The following PCBD2 variants were observed in gnomAD, a reference collection of about 807,000 sequenced individuals.
PCBD2 encodes pterin-4 alpha-carbinolamine dehydratase 2, also known as pterin-4-alpha-carbinolamine dehydratase 2.
PCBD2 carries 12 observed loss-of-function variants against 16.4 expected under a neutral mutation model. The ratio of observed to expected loss-of-function variants is 0.73; its 90% confidence interval spans 0.47 to 1.19. The LOEUF (loss-of-function observed/expected upper bound fraction) is 1.19. PCBD2 is among the 50% of genes most tolerant of loss of function. PCBD2 has a pLI of 0.00. For missense variants in PCBD2, 138 were observed against 156.8 expected, an observed-to-expected ratio of 0.88 and a Z score of 0.64; for synonymous variants, 58 against 61.8, an observed-to-expected ratio of 0.94 and a Z score of 0.29.
chr5:134,927,204 C>T (rs539832076), intron 2 of PCBD2: 123 of 398,404 alleles, frequency 3.1e-4, no homozygotes, highest in African/African-American at 2.1e-3. Flanking sequence ...GTCTGTTTGT[C>T]GCAGGCAGAT....
chr5:134,942,652 A>C (rs1300368542), intron 2 of PCBD2, among the ~76,000 whole-genome samples: 1 of 152,222 alleles, frequency 6.6e-6, no homozygotes, highest in African/African-American at 2.4e-5. Context: ...TTAATACCAA[A>C]ATAGAAGGTA....
At chr5:134,924,660 G>A in intron 2 of PCBD2, 1 of 397,048 alleles carries the variant, frequency 2.5e-6, no homozygotes, top group Non-Finnish European at 4.4e-6. Context: ...ATGTGATTAG[G>A]AGTAGGGTTA....
chr5:134,910,378 C>T lies in PCBD2; in HGVS notation c.128C>T (p.Ala43Val), dbSNP rs945323303. ...TTGACTGCAGAGGAGAGGAACCAAG[C>T]TATACTTGACCTTAAAGCAGCAGGA... ...HRLTAEERNQ[A>V]ILDLKAAGWS... Residue 43 changes from alanine (A) to valine (V), a missense_variant, in exon 2 of 4, where the codon GCT becomes GTT. Ala to Val is a moderately conservative substitution (Grantham distance 64, BLOSUM62 0). Coordinates refer to ENST00000254908, the MANE Select transcript of PCBD2 (RefSeq NM_032151.5). 1 of 1,613,986 alleles carries T rather than the reference C, an allele frequency of 6.2e-7. No homozygotes were observed. Among genetic ancestry groups the T allele is most frequent in the Admixed American group, 1.7e-5 (1 of 60,030 alleles).
At chr5:134,931,341 C>T (rs1300292717) in intron 2 of PCBD2, among the ~76,000 whole-genome samples, 1 of 152,110 alleles carries the variant, frequency 6.6e-6, no homozygotes, top group African/African-American at 2.4e-5. Context: ...ACACAGGTAA[C>T]TCTTAATATT....
intron 2 of PCBD2, among the ~76,000 whole-genome samples, chr5:134,916,532 TATTTC>T (rs1180456950): frequency 6.6e-6 from 1 of 152,230 alleles, no homozygotes; most frequent in African/African-American, 2.4e-5. Flanking sequence ...ATTTTGGAAA[TATTTC>T]AGTGACCGTG....
At chr5:134,935,952 G>A (rs1751154705) in intron 2 of PCBD2, among the ~76,000 whole-genome samples, 1 of 152,198 alleles carries the variant, frequency 6.6e-6, no homozygotes, top group Non-Finnish European at 1.5e-5. Flanking sequence ...GAAGTTGTAA[G>A]CTTCTTTGGC....
At chr5:134,948,785 T>C (rs1013317978) in intron 2 of PCBD2, among the ~76,000 whole-genome samples, 3 of 152,074 alleles carry the variant, frequency 2.0e-5, no homozygotes, top group Non-Finnish European at 4.4e-5. Context: ...AAAGCAGTGT[T>C]TAGAAGTGAG....
chr5:134,925,218 G>A (rs528628463), intron 2 of PCBD2: 38 of 398,458 alleles, frequency 9.5e-5, no homozygotes, highest in African/African-American at 7.2e-4. Context: ...GGGAGGTGGC[G>A]ATGAGAGTAA....
chr5:134,949,367 GATA>G (rs1309075515), intron 2 of PCBD2, among the ~76,000 whole-genome samples: 4 of 152,164 alleles, frequency 2.6e-5, no homozygotes, highest in African/African-American at 9.7e-5. Context: ...TATTGATGAT[GATA>G]ATAATCACTA....
rs115158857 is a variant in PCBD2, at chr5:134,907,316, C to T, written c.84+2093C>T. On this transcript the variant is annotated intron_variant, in intron 1 of 3. Transcript: ENST00000254908. ...CTGGAGTGCAGTGGTGCGGTCTTGGCGCACTGCAACTTTGCCTCCTGGGTT... is the reference window on the plus strand; with the variant it reads ...CTGGAGTGCAGTGGTGCGGTCTTGGTGCACTGCAACTTTGCCTCCTGGGTT... 7.5e-3 allele frequency among the ~76,000 whole-genome samples: 1,143 copies of T among 152,268 alleles called. 11 individuals are homozygous for T. The highest frequency in any genetic ancestry group is 0.026 in the African/African-American group (1,092 of 41,546).
At chr5:134,930,925 T>C (rs1390178619) in intron 2 of PCBD2, among the ~76,000 whole-genome samples, 1 of 152,204 alleles carries the variant, frequency 6.6e-6, no homozygotes, top group Non-Finnish European at 1.5e-5. Context: ...TTCTTTTTCT[T>C]TTTGTTTTTT....
intron 2 of PCBD2, among the ~76,000 whole-genome samples, chr5:134,922,340 C>A (rs1351607788): frequency 3.3e-5 from 5 of 152,164 alleles, no homozygotes; most frequent in Non-Finnish European, 7.4e-5. Context: ...CCACCACACC[C>A]AGCTCCTCAG....
At chr5:134,926,936 G>A in intron 2 of PCBD2, 1 of 398,460 alleles carries the variant, frequency 2.5e-6, no homozygotes, top group Non-Finnish European at 4.4e-6. Context: ...GGGGTAAGGC[G>A]AGATTAGTGA....
intron 2 of PCBD2, 87 bp downstream of exon 2, chr5:134,910,553 C>G: frequency 6.9e-7 from 1 of 1,443,280 alleles, no homozygotes. Context: ...GTTGTCTGGT[C>G]CCATGTAGAT....
intron 2 of PCBD2, among the ~76,000 whole-genome samples, chr5:134,936,068 A>G (rs759650779): frequency 6.6e-6 from 1 of 152,256 alleles, no homozygotes; most frequent in Non-Finnish European, 1.5e-5. Flanking sequence ...TTATAATTTA[A>G]TATGTTACCA....
chr5:134,939,184 C>A (rs949035121), intron 2 of PCBD2, among the ~76,000 whole-genome samples: 1 of 151,980 alleles, frequency 6.6e-6, no homozygotes, highest in African/African-American at 2.4e-5. Context: ...CAACATGTAA[C>A]CTTCCAAAAA....
intron 2 of PCBD2, chr5:134,925,005 G>A (rs189919073): frequency 3.8e-5 from 15 of 394,316 alleles, no homozygotes; most frequent in African/African-American, 1.9e-4. Context: ...TGAGTTTTAA[G>A]TAAAGTGGGA....
intron 2 of PCBD2, among the ~76,000 whole-genome samples, chr5:134,947,229 A>G (rs961905370): frequency 1.3e-5 from 2 of 150,796 alleles, no homozygotes; most frequent in Admixed American, 1.3e-4. Flanking sequence ...AGTAGCTGGG[A>G]TTACAGGCAT....
intron 2 of PCBD2, among the ~76,000 whole-genome samples, chr5:134,954,171 A>G (rs1223803717): frequency 6.6e-6 from 1 of 152,090 alleles, no homozygotes; most frequent in East Asian, 1.9e-4. Context: ...ATGTTTCCCA[A>G]GCTGGTCTTG....
Sources: gnomAD v4.1 joint callset for allele counts (sites outside exome capture counted in the v4.1 genomes callset) on GRCh38, gnomAD v4.1.1 for gene constraint, MANE v1.5 for transcripts, NCBI Gene and HGNC (gene_info 2026-07-23, HGNC 2026-07-21) for gene names.